PDCD1LG2: variants seen among roughly 807,000 people sequenced by gnomAD.
PDCD1LG2 encodes the protein B7 dendritic cell molecule.
PDCD1LG2 carries 32 observed loss-of-function variants against 28.2 expected under a neutral mutation model. The observed-to-expected ratio is 1.13, with a 90% confidence interval of 0.86 to 1.52. The LOEUF (loss-of-function observed/expected upper bound fraction) is 1.52, where lower values mean the gene tolerates loss of function less well. Ranked by LOEUF, PDCD1LG2 falls within the 40% of genes most tolerant of loss-of-function variation. The probability of loss-of-function intolerance (pLI) is 0.00; values close to 1 mark genes in which losing one functional copy is unlikely to be tolerated. For synonymous variants in PDCD1LG2, 116 were observed against 120.2 expected (o/e 0.97, Z 0.23); for missense variants, 385 against 323.8 (o/e 1.19, Z -1.45).
intron 3 of PDCD1LG2, among the ~76,000 whole-genome samples, chr9:5,538,485 A>T (rs1820625425): frequency 6.6e-6 from 1 of 152,042 alleles, no homozygotes; most frequent in South Asian, 2.1e-4. Flanking sequence ...GGAGATCGAG[A>T]CCATCCTGGC....
intron 4 of PDCD1LG2, among the ~76,000 whole-genome samples, chr9:5,553,087 G>A (rs1816369726): frequency 6.6e-6 from 1 of 152,100 alleles, no homozygotes; most frequent in African/African-American, 2.4e-5. Flanking sequence ...ACTCCAGCCT[G>A]GGCAACCGAG....
intron 3 of PDCD1LG2, among the ~76,000 whole-genome samples, chr9:5,535,780 T>C (rs1429568662): frequency 2.0e-5 from 3 of 152,194 alleles, no homozygotes; most frequent in African/African-American, 4.8e-5. Context: ...AGTCTATAGC[T>C]GTCCCTATTC....
At chr9:5,561,756 C>G (rs1471215467) in intron 5 of PDCD1LG2, among the ~76,000 whole-genome samples, 1 of 152,148 alleles carries the variant, frequency 6.6e-6, no homozygotes, top group Non-Finnish European at 1.5e-5. Context: ...TAACAGTTCA[C>G]CTACCAGCAC....
At chr9:5,518,984 C>T (rs1451018318) in intron 1 of PDCD1LG2, among the ~76,000 whole-genome samples, 1 of 152,072 alleles carries the variant, frequency 6.6e-6, no homozygotes, top group Admixed American at 6.5e-5. Context: ...CAGGAAATGA[C>T]TGTCGTTGAA....
intron 4 of PDCD1LG2, among the ~76,000 whole-genome samples, chr9:5,552,678 C>A (rs1816360536): frequency 6.6e-6 from 1 of 152,154 alleles, no homozygotes; most frequent in African/African-American, 2.4e-5. Flanking sequence ...TGGAGTGACA[C>A]TGATCCACAG....
chr9:5,516,203 CACT>C (rs1820160146), intron 1 of PDCD1LG2, among the ~76,000 whole-genome samples: 2 of 152,200 alleles, frequency 1.3e-5, no homozygotes, highest in South Asian at 4.1e-4. Flanking sequence ...AGACACCCAC[CACT>C]ACATCCAGCT....
chr9:5,535,996 C>T (rs146859701), intron 3 of PDCD1LG2, among the ~76,000 whole-genome samples: 123 of 152,270 alleles, frequency 8.1e-4, no homozygotes, highest in African/African-American at 2.8e-3. Context: ...CTGGCCTCTT[C>T]CCCTCCCACG....
chr9:5,538,636 C>T (rs539794017), intron 3 of PDCD1LG2, among the ~76,000 whole-genome samples: 1 of 151,006 alleles, frequency 6.6e-6, no homozygotes, highest in East Asian at 1.9e-4. Flanking sequence ...TGTAGTGAGC[C>T]GAGATCGCTC....
rs181886982 is a variant in PDCD1LG2, at chr9:5,557,302, G to A, written c.632-316G>A. 3.0e-4 allele frequency among the ~76,000 whole-genome samples: 45 copies of A among 151,894 alleles called. No homozygotes were observed. In the East Asian group the frequency reaches 7.7e-3, roughly 26 times the overall value. Reference sequence around the variant, plus strand: ...ATGGAAAAAAATAACATGAGAGAGTGGTAAAAAGCACAGAATCTGGAACCA... The same window carrying A: ...ATGGAAAAAAATAACATGAGAGAGTAGTAAAAAGCACAGAATCTGGAACCA... On this transcript the variant is annotated intron_variant, in intron 4 of 6. Coordinates refer to ENST00000397747, the MANE Select transcript of PDCD1LG2 (RefSeq NM_025239.4).
intron 1 of PDCD1LG2, among the ~76,000 whole-genome samples, chr9:5,519,931 T>C (rs1267511869): frequency 6.6e-6 from 1 of 152,186 alleles, no homozygotes; most frequent in Non-Finnish European, 1.5e-5. Flanking sequence ...TTTCAAACTA[T>C]AGAAGGCCTA....
intron 3 of PDCD1LG2, among the ~76,000 whole-genome samples, chr9:5,541,993 C>T (rs892018845): frequency 1.3e-5 from 2 of 152,036 alleles, no homozygotes; most frequent in African/African-American, 4.8e-5. Flanking sequence ...GCACATAGAC[C>T]AATGGAACAA....
chr9:5,525,359 G>GA (rs1041422349), intron 2 of PDCD1LG2, among the ~76,000 whole-genome samples: 11 of 133,940 alleles, frequency 8.2e-5, no homozygotes, highest in South Asian at 4.8e-4. Flanking sequence ...AAAAAAAAAA[G>GA]AAAAAAAAAC....
chr9:5,527,551 C>T (rs1225013955), intron 2 of PDCD1LG2, among the ~76,000 whole-genome samples: 1 of 152,142 alleles, frequency 6.6e-6, no homozygotes, highest in Non-Finnish European at 1.5e-5. Context: ...TTTATAAATT[C>T]CCCAATTGGG....
rs952667402 is a variant in PDCD1LG2 at position 5,522,618 on chromosome 9, G to A, written c.55+17G>A. On this transcript the variant is annotated intron_variant, in intron 2 of 6. Coordinates refer to ENST00000397747, the MANE Select transcript of PDCD1LG2 (RefSeq NM_025239.4). ...AGATAGCAGGTAAGAAAGGACAAAG[G>A]GAGAGGCTTAAGAAAGAAGAGCAGG... 1.9e-6 allele frequency: 3 copies of A among 1,611,784 alleles called. No individual in the cohort carries two copies. In the African/African-American group the frequency reaches 4.0e-5, roughly 22 times the overall value.
chr9:5,538,849 T>A (rs1004661903), intron 3 of PDCD1LG2, among the ~76,000 whole-genome samples: 3 of 152,190 alleles, frequency 2.0e-5, no homozygotes, highest in African/African-American at 7.2e-5. Flanking sequence ...TATCTTTTTT[T>A]AATTGACAAT....
At position 5,569,171 on chromosome 9, in the gene PDCD1LG2, G is replaced by A. The variant is rs747499145; in HGVS notation, c.817-783G>A. On this transcript the variant is annotated intron_variant, in intron 6 of 6. Transcript: ENST00000397747. This position sits in a 1 kb window ranked among gnomAD's most constrained non-coding sequence, Gnocchi z 4.1. ...TTACTTACTAAGCAAGAGTGCTTCA[G>A]TTAGATCCTAGCAGGAAATGGAGGG... Among the ~76,000 whole-genome samples, 5 of 152,190 alleles carry A rather than the reference G, an allele frequency of 3.3e-5. No homozygotes were observed. Among genetic ancestry groups the A allele is most frequent in the African/African-American group, 9.6e-5 (4 of 41,454 alleles).
chr9:5,526,661 C>T (rs1019430038), intron 2 of PDCD1LG2, among the ~76,000 whole-genome samples: 12 of 152,084 alleles, frequency 7.9e-5, no homozygotes, highest in African/African-American at 1.2e-4. Context: ...TGGCCTCAAA[C>T]GCCTCGTCTC....
chr9:5,564,506 T>C (rs974631981), intron 6 of PDCD1LG2, among the ~76,000 whole-genome samples: 1 of 152,198 alleles, frequency 6.6e-6, no homozygotes, highest in Non-Finnish European at 1.5e-5. Flanking sequence ...GTTTGACTTA[T>C]CTAATATCTT....
chr9:5,514,772 GAAAA>G (rs60002651), intron 1 of PDCD1LG2, among the ~76,000 whole-genome samples: 15 of 62,382 alleles, frequency 2.4e-4, no homozygotes, highest in East Asian at 9.6e-4. Context: ...AGTCTCTAAA[GAAAA>G]AAAAAAAAAA....
Sources: gnomAD v4.1 joint callset for allele counts (sites outside exome capture counted in the v4.1 genomes callset) on GRCh38, gnomAD v4.1.1 for gene constraint, Gnocchi (gnomAD v3.1) non-coding constraint, MANE v1.5 for transcripts, NCBI Gene and HGNC (gene_info 2026-07-23, HGNC 2026-07-21) for gene names.